The following ARMC2 variants were observed in gnomAD, a reference collection of about 807,000 sequenced individuals.
The protein encoded by ARMC2 is armadillo repeat-containing protein 2.
In ARMC2, 67 loss-of-function variants were observed where a neutral mutation model predicts 90.3. The observed-to-expected ratio is 0.74, with a 90% confidence interval of 0.61 to 0.91. The LOEUF is 0.91. Ranked by LOEUF, ARMC2 falls within the 40% of genes least tolerant of loss-of-function variation. The pLI is 0.00. For synonymous variants in ARMC2, 393 were observed against 393.0 expected (o/e 1.00, Z 0.00); for missense variants, 920 against 1,030.9 (o/e 0.89, Z 1.47).
At chr6:108,990,998 C>T in the ARMC2 span, among the ~76,000 whole-genome samples, 1 of 151,488 alleles carries the variant, frequency 6.6e-6, no homozygotes, top group East Asian at 1.9e-4. Flanking sequence ...TTTTTCAATT[C>T]CCATACTGCA....
At chr6:108,947,577 A>C (rs1173496075) in intron 12 of ARMC2, among the ~76,000 whole-genome samples, 1 of 152,164 alleles carries the variant, frequency 6.6e-6, no homozygotes, top group Non-Finnish European at 1.5e-5. Flanking sequence ...CAGTTAAAGT[A>C]ATTTCATTCA....
chr6:108,880,139 C>T lies in ARMC2; in HGVS notation c.671+3789C>T, dbSNP rs182533969. On this transcript the variant is annotated intron_variant, in intron 5 of 17. Transcript: ENST00000392644. ...TGAAACAACAACAAAAAAATGGCTACGACCCTGAACTACACAACATGAAGC... is the reference window on the plus strand; with the variant it reads ...TGAAACAACAACAAAAAAATGGCTATGACCCTGAACTACACAACATGAAGC... 2.1e-3 allele frequency: 770 copies of T among 364,152 alleles called. 4 individuals carry two copies. The highest frequency in any genetic ancestry group is 0.014 in the African/African-American group (673 of 47,000). 22.6% of individuals were successfully genotyped at this position (364,152 alleles called of 1,614,324 possible). A position where few individuals can be genotyped will look rare whatever the true frequency, so the allele number is the denominator to read the frequency against.
At chr6:109,001,011 A>G in the ARMC2 span, among the ~76,000 whole-genome samples, 14 of 152,330 alleles carry the variant, frequency 9.2e-5, no homozygotes, top group East Asian at 2.7e-3. Context: ...AGGAAGCACC[A>G]CTTATGTCAA....
chr6:108,955,965 G>A (rs1391906224), intron 13 of ARMC2, among the ~76,000 whole-genome samples: 1 of 152,168 alleles, frequency 6.6e-6, no homozygotes, highest in Non-Finnish European at 1.5e-5. Context: ...TCTGTAAAAT[G>A]CCATTAGAGT....
chr6:109,036,224 A>G, the ARMC2 span, among the ~76,000 whole-genome samples: 2 of 152,250 alleles, frequency 1.3e-5, no homozygotes, highest in African/African-American at 4.8e-5. Context: ...TTGCTAAAAT[A>G]GAATCTAAAT....
chr6:108,907,486 T>A, intron 8 of ARMC2: 8 of 445,264 alleles, frequency 1.8e-5, no homozygotes, highest in Non-Finnish European at 3.0e-5. Context: ...TTACCAGTCA[T>A]CTTTTATTTG....
At chr6:109,017,233 T>C in the ARMC2 span, among the ~76,000 whole-genome samples, 2 of 152,218 alleles carry the variant, frequency 1.3e-5, no homozygotes, top group African/African-American at 4.8e-5. Context: ...CTTGATACTA[T>C]GTAACCATTT....
At chr6:109,009,559 G>A in the ARMC2 span, 7 of 1,121,008 alleles carry the variant, frequency 6.2e-6, no homozygotes, top group Non-Finnish European at 7.6e-6. Context: ...GGACGGCGGG[G>A]GGGCGGGGCG....
At chr6:108,875,762 G>A (rs1776870758) in intron 4 of ARMC2, among the ~76,000 whole-genome samples, 1 of 152,140 alleles carries the variant, frequency 6.6e-6, no homozygotes, top group East Asian at 1.9e-4. Context: ...TTTGACATGG[G>A]GGAGCCACTC....
chr6:108,904,778 A>G (rs1169470071), intron 8 of ARMC2, among the ~76,000 whole-genome samples: 1 of 152,224 alleles, frequency 6.6e-6, no homozygotes, highest in Admixed American at 6.5e-5. Context: ...TGGTGCAGGC[A>G]GTGGTTTCTC....
At chr6:108,851,358 C>A (rs1773994713) in intron 1 of ARMC2, among the ~76,000 whole-genome samples, 1 of 152,218 alleles carries the variant, frequency 6.6e-6, no homozygotes, top group African/African-American at 2.4e-5. Flanking sequence ...GAAATCTCTT[C>A]TTCCTTTGTG....
chr6:108,984,376 T>G, the ARMC2 span, among the ~76,000 whole-genome samples: 1 of 152,210 alleles, frequency 6.6e-6, no homozygotes, highest in Non-Finnish European at 1.5e-5. Flanking sequence ...ATCAAGGATT[T>G]AGTGCCTAGT....
At chr6:109,028,660 A>T in the ARMC2 span, among the ~76,000 whole-genome samples, 1 of 152,354 alleles carries the variant, frequency 6.6e-6, no homozygotes, top group East Asian at 1.9e-4. Flanking sequence ...TCTTAAAAAT[A>T]GTATTAGTTG....
At chr6:108,926,888 G>A (rs1210460022) in intron 10 of ARMC2, among the ~76,000 whole-genome samples, 1 of 148,590 alleles carries the variant, frequency 6.7e-6, no homozygotes, top group African/African-American at 2.5e-5. Flanking sequence ...TAATTGAATT[G>A]ATTACAAAAG....
In ARMC2 at chr6:108,868,838, A is replaced by G. The variant is rs1582961974; in HGVS notation, c.306A>G (p.Pro102=). 2 of 1,611,188 alleles carry G rather than the reference A, an allele frequency of 1.2e-6. No individual in the cohort carries two copies. Among genetic ancestry groups the G allele is most frequent in the East Asian group, 4.5e-5 (2 of 44,870 alleles). Residue 102 remains proline, a synonymous_variant, in exon 4 of 18, where the codon CCA becomes CCG. Coordinates refer to ENST00000392644, the MANE Select transcript of ARMC2 (RefSeq NM_032131.6). ...LSPLELKPKV[P]ASPTREEDSC... ...TCTCTTTCCAGAAACCGAAAGTTCC[A>G]GCATCTCCCACCAGAGAGGAGGATT...
intron 10 of ARMC2, among the ~76,000 whole-genome samples, chr6:108,920,856 G>T (rs770040447): frequency 4.6e-5 from 7 of 152,124 alleles, no homozygotes; most frequent in Non-Finnish European, 4.4e-5. Flanking sequence ...ACCAGGTAGG[G>T]GCTGGACTGG....
At chr6:109,047,678 A>G in the ARMC2 span, among the ~76,000 whole-genome samples, 7 of 147,154 alleles carry the variant, frequency 4.8e-5, no homozygotes, top group East Asian at 4.0e-4. Context: ...GAAAAGATTG[A>G]GAAATCGGAT....
intron 6 of ARMC2, among the ~76,000 whole-genome samples, chr6:108,895,546 C>T (rs1003276173): frequency 6.6e-6 from 1 of 150,946 alleles, no homozygotes; most frequent in Non-Finnish European, 1.5e-5. Flanking sequence ...TTATTAAGAC[C>T]GTCCTTTGGG....
the ARMC2 span, among the ~76,000 whole-genome samples, chr6:109,013,376 G>C: frequency 6.6e-6 from 1 of 152,180 alleles, no homozygotes; most frequent in Non-Finnish European, 1.5e-5. Context: ...AGTGGATTCT[G>C]TCTCTCCAGT....
Sources: gnomAD v4.1 joint callset for allele counts (sites outside exome capture counted in the v4.1 genomes callset) on GRCh38, gnomAD v4.1.1 for gene constraint, MANE v1.5 for transcripts, NCBI Gene and HGNC (gene_info 2026-07-23, HGNC 2026-07-21) for gene names.